The following CCDC91 variants were observed in gnomAD, a reference collection of about 807,000 sequenced individuals.
The protein encoded by CCDC91 is coiled-coil domain-containing protein 91.
In CCDC91, 48 loss-of-function variants were observed where a neutral mutation model predicts 63.2. The observed-to-expected ratio is 0.76, with a 90% CI of 0.60 to 0.97. The LOEUF is 0.97. Ranked by LOEUF, CCDC91 falls within the 50% of genes least tolerant of loss-of-function variation. The pLI is 0.00. For synonymous variants in CCDC91, 167 were observed against 165.8 expected, an observed-to-expected ratio of 1.01 and a Z score of -0.06; for missense variants, 500 against 494.6, an observed-to-expected ratio of 1.01 and a Z score of -0.10.
At chr12:28,218,017 ATTCATT>A (rs1423263951) in intron 1 of CCDC91, among the ~76,000 whole-genome samples, 1 of 151,956 alleles carries the variant, frequency 6.6e-6, no homozygotes, top group African/African-American at 2.4e-5. Context: ...TTCCAGTCTC[ATTCATT>A]TTCTAGTTTG....
chr12:28,241,083 T>G (rs1945303295), intron 1 of CCDC91, among the ~76,000 whole-genome samples: 2 of 152,184 alleles, frequency 1.3e-5, no homozygotes. Context: ...TTTTTGCTAG[T>G]CTGGTAGGTA....
intron 1 of CCDC91, among the ~76,000 whole-genome samples, chr12:28,197,582 AG>A (rs1941878960): frequency 6.6e-6 from 1 of 152,126 alleles, no homozygotes; most frequent in Non-Finnish European, 1.5e-5. Context: ...TTGTATTAAT[AG>A]TAAGTGGTAG....
At chr12:28,470,470 C>G (rs1226537660) in intron 11 of CCDC91, among the ~76,000 whole-genome samples, 1 of 152,058 alleles carries the variant, frequency 6.6e-6, no homozygotes, top group East Asian at 1.9e-4. Flanking sequence ...AAGGGGAACC[C>G]TCATACACTG....
chr12:28,281,616 T>C (rs1456953361), intron 3 of CCDC91, among the ~76,000 whole-genome samples: 6 of 152,194 alleles, frequency 3.9e-5, no homozygotes, highest in African/African-American at 1.4e-4. Context: ...GTATTCTTAT[T>C]TTCTTTTGTG....
At chr12:28,522,488 C>T (rs927337134) in intron 12 of CCDC91, among the ~76,000 whole-genome samples, 10 of 151,900 alleles carry the variant, frequency 6.6e-5, no homozygotes, top group East Asian at 3.9e-4. Context: ...GTGTTGATAG[C>T]GGTCTATCAA....
intron 12 of CCDC91, among the ~76,000 whole-genome samples, chr12:28,546,461 A>G (rs996571369): frequency 2.0e-5 from 3 of 151,974 alleles, no homozygotes; most frequent in Non-Finnish European, 4.4e-5. Context: ...GTTCAAGGGA[A>G]CAGGATGGAG....
chr12:28,492,860 A>G (rs1184959545), intron 12 of CCDC91, among the ~76,000 whole-genome samples: 1 of 151,622 alleles, frequency 6.6e-6, no homozygotes. Context: ...TAAAGATATA[A>G]CCTTGAAAAA....
intron 3 of CCDC91, among the ~76,000 whole-genome samples, chr12:28,303,705 C>T (rs1938339148): frequency 6.6e-6 from 1 of 151,872 alleles, no homozygotes; most frequent in African/African-American, 2.4e-5. Flanking sequence ...ACATGTTTTC[C>T]ACAATTTCAA....
chr12:28,308,866 G>A (rs1345622373), intron 6 of CCDC91, among the ~76,000 whole-genome samples: 6 of 151,896 alleles, frequency 4.0e-5, no homozygotes, highest in Admixed American at 3.3e-4. Context: ...TTCCATCCTT[G>A]TTCTTTTCCT....
At chr12:28,247,910 A>G (rs1230846244) in intron 1 of CCDC91, among the ~76,000 whole-genome samples, 1 of 152,138 alleles carries the variant, frequency 6.6e-6, no homozygotes, top group East Asian at 1.9e-4. Flanking sequence ...CACAGTTCAC[A>G]ATAGGGTTCG....
In CCDC91 at chr12:28,305,695, C is replaced by G. The variant is rs1325496139; in HGVS notation, c.156C>G (p.Asp52Glu). 6.2e-7 allele frequency: 1 copy of G among 1,613,158 alleles called. No homozygotes were observed. Among genetic ancestry groups the G allele is most frequent in the Non-Finnish European group, 8.5e-7 (1 of 1,179,498 alleles). ...LSPSSPEIVL[D>E]RDHSSSIGCL... ...CATCTTCTCCTGAGATTGTACTGGA[C>G]CGTGACCACTCTTCTTCCATTGGCT... The change falls in exon 4 of 13, where the codon GAC (aspartate) becomes GAG (glutamate). Residue 52 changes from aspartate to glutamate, a missense_variant. By Grantham distance (45) the Asp-to-Glu change is conservative (BLOSUM62 2). Coordinates refer to ENST00000536442, the MANE Select transcript of CCDC91 (RefSeq NM_018318.5).
intron 6 of CCDC91, among the ~76,000 whole-genome samples, chr12:28,341,904 G>T (rs994150376): frequency 6.6e-6 from 1 of 151,548 alleles, no homozygotes; most frequent in South Asian, 2.1e-4. Flanking sequence ...TTGTGTAGAT[G>T]TATTAGGCAA....
intron 1 of CCDC91, among the ~76,000 whole-genome samples, chr12:28,252,208 T>C (rs1206461485): frequency 6.6e-6 from 1 of 152,176 alleles, no homozygotes; most frequent in Non-Finnish European, 1.5e-5. Context: ...TGGAAGCTTG[T>C]AGGATCTTCC....
chr12:28,349,539 A>C (rs1406017062), intron 6 of CCDC91, among the ~76,000 whole-genome samples: 1 of 152,166 alleles, frequency 6.6e-6, no homozygotes, highest in East Asian at 1.9e-4. Flanking sequence ...TGACATCTTT[A>C]ATTTCTTAGT....
At position 28,533,039 on chromosome 12, in the gene CCDC91, A is replaced by G. The variant is rs540025226; in HGVS notation, c.1216-16024A>G. Among the ~76,000 whole-genome samples, 9 of 152,238 alleles carry G rather than the reference A, an allele frequency of 5.9e-5. No homozygotes were observed. In the South Asian group the frequency reaches 1.9e-3, roughly 32 times the overall value. On this transcript the variant is annotated intron_variant, in intron 12 of 12. Transcript: ENST00000536442. ...GAAAACCTTTATTAAACACCTACCA[A>G]GAAGATACAACTATTATTTCCTCAT...
chr12:28,460,549 C>G (rs1386753230), intron 11 of CCDC91, among the ~76,000 whole-genome samples: 1 of 151,828 alleles, frequency 6.6e-6, no homozygotes, highest in Non-Finnish European at 1.5e-5. Flanking sequence ...TTGTGAGGCC[C>G]TTAGAAACGA....
At chr12:28,533,224 TATAAC>T (rs1039158557) in intron 12 of CCDC91, among the ~76,000 whole-genome samples, 3 of 152,112 alleles carry the variant, frequency 2.0e-5, no homozygotes, top group African/African-American at 7.2e-5. Context: ...TGCTTTTACA[TATAAC>T]ATAATTCTAT....
At chr12:28,504,361 A>T (rs1938436770) in intron 12 of CCDC91, among the ~76,000 whole-genome samples, 1 of 151,938 alleles carries the variant, frequency 6.6e-6, no homozygotes, top group African/African-American at 2.4e-5. Flanking sequence ...CTATTCATTC[A>T]TTAACAAATA....
chr12:28,383,819 A>C (rs993663784), intron 7 of CCDC91, among the ~76,000 whole-genome samples: 5 of 152,130 alleles, frequency 3.3e-5, no homozygotes, highest in African/African-American at 7.2e-5. Context: ...AGAGATGCTT[A>C]ATGTTTCTCC....
Sources: allele counts gnomAD v4.1 joint callset (sites outside exome capture counted in the v4.1 genomes callset), GRCh38; gene constraint gnomAD v4.1.1; transcripts MANE v1.5; gene names NCBI Gene and HGNC (gene_info 2026-07-23, HGNC 2026-07-21).